The following NUMB variants were observed in gnomAD, a reference collection of about 807,000 sequenced individuals.
NUMB encodes the protein NUMB endocytic adaptor protein.
NUMB carries 29 observed loss-of-function variants against 59.7 expected under a neutral mutation model. The ratio of observed to expected loss-of-function variants is 0.49; its 90% CI spans 0.36 to 0.66. The LOEUF is 0.66. Ranked by LOEUF, NUMB falls within the 30% of genes least tolerant of loss-of-function variation. The pLI, the probability that NUMB is intolerant of heterozygous loss-of-function variation, is 0.00. For missense variants in NUMB, 723 were observed against 822.0 expected, an observed-to-expected ratio of 0.88 and a Z score of 1.47; for synonymous variants, 288 against 288.2, an observed-to-expected ratio of 1.00 and a Z score of 0.01.
intron 9 of NUMB, chr14:73,286,419 A>G (rs1889008482): frequency 6.6e-6 from 1 of 152,230 alleles, no homozygotes; most frequent in Admixed American, 6.5e-5. Flanking sequence ...ATATACAAGA[A>G]TTCAAAAGTA....
chr14:73,334,211 T>C (rs1421357779), intron 4 of NUMB, among the ~76,000 whole-genome samples: 2 of 152,076 alleles, frequency 1.3e-5, no homozygotes, highest in Non-Finnish European at 2.9e-5. Flanking sequence ...GCCACCGCTT[T>C]AGTATTTACT....
chr14:73,316,477 A>G, intron 5 of NUMB, 55 bp from the exon 6 acceptor site: 1 of 1,517,142 alleles, frequency 6.6e-7, no homozygotes, highest in Admixed American at 1.7e-5. Flanking sequence ...TAAATGTCCC[A>G]GAGTTTCACA....
chr14:73,422,888 A>T (rs1897413713), intron 1 of NUMB, among the ~76,000 whole-genome samples: 1 of 143,232 alleles, frequency 7.0e-6, no homozygotes, highest in African/African-American at 2.7e-5. Flanking sequence ...AAACCATATC[A>T]GGAGGAAGAG....
chr14:73,314,872 T>C (rs1185113730), intron 6 of NUMB, among the ~76,000 whole-genome samples: 2 of 152,042 alleles, frequency 1.3e-5, no homozygotes, highest in Admixed American at 1.3e-4. Context: ...CACAAAAAGT[T>C]TCCTAAAGTG....
intron 2 of NUMB, among the ~76,000 whole-genome samples, chr14:73,374,481 C>T (rs1335846273): frequency 6.6e-6 from 1 of 152,140 alleles, no homozygotes; most frequent in Non-Finnish European, 1.5e-5. Context: ...TTCAGAGAAC[C>T]TTGTGCCAAA....
intron 6 of NUMB, among the ~76,000 whole-genome samples, chr14:73,313,079 C>T (rs1181158115): frequency 2.6e-5 from 4 of 151,778 alleles, no homozygotes; most frequent in African/African-American, 7.3e-5. Context: ...CTCCACCTCC[C>T]GGGTTCAAGC....
chr14:73,385,970 T>C (rs1286427732), intron 2 of NUMB, among the ~76,000 whole-genome samples: 1 of 152,194 alleles, frequency 6.6e-6, no homozygotes, highest in Non-Finnish European at 1.5e-5. Context: ...TTCTGAAGTA[T>C]TGTACACTGA....
intron 3 of NUMB, 45 bp downstream of exon 3, chr14:73,366,852 T>G (rs1894367824): frequency 6.6e-6 from 1 of 152,206 alleles, no homozygotes; most frequent in Admixed American, 6.5e-5. Flanking sequence ...TTCACAGCTA[T>G]TTCAGATTCA....
intron 3 of NUMB, among the ~76,000 whole-genome samples, chr14:73,360,881 ATCTTT>A (rs2140033174): frequency 6.6e-6 from 1 of 151,532 alleles, no homozygotes; most frequent in African/African-American, 2.4e-5. Flanking sequence ...GGTCTATCTT[ATCTTT>A]TATCTTATTT....
At chr14:73,365,788 C>T (rs1188478302) in intron 3 of NUMB, among the ~76,000 whole-genome samples, 2 of 152,176 alleles carry the variant, frequency 1.3e-5, no homozygotes, top group Non-Finnish European at 2.9e-5. Context: ...AGATACCTTA[C>T]TTTAATGAAA....
At chr14:73,287,664 C>T (rs762375687) in intron 8 of NUMB, among the ~76,000 whole-genome samples, 7 of 152,188 alleles carry the variant, frequency 4.6e-5, no homozygotes, top group Admixed American at 6.5e-5. Context: ...AGGCATGAGC[C>T]ACCACACTCG....
At chr14:73,315,279 T>G (rs564722566) in intron 6 of NUMB, among the ~76,000 whole-genome samples, 1 of 152,284 alleles carries the variant, frequency 6.6e-6, no homozygotes, top group South Asian at 2.1e-4. Flanking sequence ...AATTGTAGGA[T>G]TTTGTTAATC....
intron 3 of NUMB, among the ~76,000 whole-genome samples, chr14:73,357,983 C>T (rs1893898500): frequency 6.6e-6 from 1 of 151,558 alleles, no homozygotes; most frequent in Admixed American, 6.6e-5. Context: ...AAGACAACTA[C>T]TCACCTACCT....
At chr14:73,404,283 A>G (rs1365485722) in intron 2 of NUMB, among the ~76,000 whole-genome samples, 1 of 151,140 alleles carries the variant, frequency 6.6e-6, no homozygotes, top group African/African-American at 2.4e-5. Context: ...AATAATAATA[A>G]TAATAACATG....
At chr14:73,281,592 G>A (rs1377958722) in intron 11 of NUMB, 2 of 152,188 alleles carry the variant, frequency 1.3e-5, no homozygotes, top group South Asian at 2.1e-4. Flanking sequence ...CTACAAGTCT[G>A]TAACTTAAGT....
chr14:73,417,352 G>A (rs1204191437), intron 1 of NUMB, among the ~76,000 whole-genome samples: 1 of 152,032 alleles, frequency 6.6e-6, no homozygotes, highest in Non-Finnish European at 1.5e-5. Flanking sequence ...CCATGGGGCT[G>A]GAGCCCAAAA....
intron 12 of NUMB, among the ~76,000 whole-genome samples, chr14:73,278,188 A>G (rs190324059): frequency 1.7e-4 from 26 of 152,312 alleles, no homozygotes; most frequent in Admixed American, 1.5e-3. Flanking sequence ...GCTTCCAGAA[A>G]TATGTTGTCT....
At chr14:73,399,848 A>G (rs926802079) in intron 2 of NUMB, among the ~76,000 whole-genome samples, 1 of 152,166 alleles carries the variant, frequency 6.6e-6, no homozygotes, top group Non-Finnish European at 1.5e-5. Context: ...GTTCAAGACC[A>G]GCCTAGCCAA....
Position 73,276,792 on chromosome 14 carries a change from T to C in NUMB, c.1742A>G (p.Gln581Arg), listed in dbSNP as rs1038303620. ...GAAAGCTGCAGAACCGTTGAGGTGC[T>C]GAGCAGGAGGCTTAAAGAAGGGACT... The part of the protein sequence containing the change: ...TTSPFFKPPA[Q>R]HLNGSAAFNG... Residue 581 changes from glutamine (Q) to arginine (R), a missense_variant, in exon 13 of 13, where the codon CAG (glutamine) becomes CGG (arginine). By Grantham distance (43) the Gln-to-Arg change is conservative. Around this residue, in one of 2 missense-constraint regions of NUMB, gnomAD observed 406 missense variants for 385.4 expected, o/e 1.05. Coordinates refer to ENST00000555238, the MANE Select transcript of NUMB (RefSeq NM_001005743.2). 1 of 1,614,202 alleles carries C rather than the reference T, an allele frequency of 6.2e-7. No individual in the cohort carries two copies. Among genetic ancestry groups the C allele is most frequent in the Non-Finnish European group, 8.5e-7 (1 of 1,180,030 alleles).
Sources: gnomAD v4.1 joint callset for allele counts (sites outside exome capture counted in the v4.1 genomes callset) on GRCh38, gnomAD v4.1.1 for gene constraint, gnomAD v4.1.1 regional missense constraint, MANE v1.5 for transcripts, NCBI Gene and HGNC (gene_info 2026-07-23, HGNC 2026-07-21) for gene names.